NTM: variants seen among roughly 807,000 people sequenced by gnomAD.
NTM encodes neurotrimin, also known as IgLON family member 2.
NTM carries 13 observed loss-of-function variants against 42.1 expected under a neutral mutation model. The observed-to-expected ratio is 0.31, with a 90% confidence interval of 0.20 to 0.49. The LOEUF is 0.49. NTM is among the 20% of genes least tolerant of loss of function. The pLI is 0.99. For synonymous variants in NTM, 187 were observed against 179.2 expected (o/e 1.04, Z -0.35); for missense variants, 373 against 452.8 (o/e 0.82, Z 1.60).
intron 3 of NTM, among the ~76,000 whole-genome samples, chr11:132,193,861 C>A (rs566826478): frequency 6.6e-6 from 1 of 152,114 alleles, no homozygotes; most frequent in Admixed American, 6.6e-5. Flanking sequence ...AACTAAAAAA[C>A]CTAGAAGAAA....
chr11:131,885,123 C>T (rs2050178500), intron 1 of NTM, among the ~76,000 whole-genome samples: 1 of 152,186 alleles, frequency 6.6e-6, no homozygotes, highest in Non-Finnish European at 1.5e-5. Context: ...GTGAGTAGGT[C>T]TGCAGGTCTG....
chr11:131,684,793 G>C (rs367825660), intron 1 of NTM, among the ~76,000 whole-genome samples: 7 of 152,252 alleles, frequency 4.6e-5, no homozygotes, highest in African/African-American at 1.7e-4. Context: ...CAAGATACAG[G>C]CTGGGCCAAC....
chr11:131,959,884 A>G (rs1319914475), intron 2 of NTM, among the ~76,000 whole-genome samples: 1 of 152,206 alleles, frequency 6.6e-6, no homozygotes, highest in Non-Finnish European at 1.5e-5. Flanking sequence ...CAGGTGAGAA[A>G]CAAAAGGGAA....
At chr11:132,320,976 G>C (rs1003624216) in intron 7 of NTM, among the ~76,000 whole-genome samples, 1 of 150,650 alleles carries the variant, frequency 6.6e-6, no homozygotes, top group Non-Finnish European at 1.5e-5. Flanking sequence ...CTGTCTGTTA[G>C]AAGGAAAACT....
chr11:132,084,581 T>A (rs897827558), intron 2 of NTM, among the ~76,000 whole-genome samples: 19 of 152,158 alleles, frequency 1.2e-4, no homozygotes, highest in Non-Finnish European at 2.4e-4. Flanking sequence ...TTAAATATGG[T>A]AGAGGTTTAA....
At chr11:132,074,995 A>C (rs2058176687) in intron 2 of NTM, among the ~76,000 whole-genome samples, 2 of 152,340 alleles carry the variant, frequency 1.3e-5, no homozygotes, top group East Asian at 1.9e-4. Context: ...CAATTTTTTA[A>C]GAGTATATAA....
chr11:131,453,749 T>G (rs907476426), intron 1 of NTM, among the ~76,000 whole-genome samples: 3 of 152,214 alleles, frequency 2.0e-5, no homozygotes, highest in Non-Finnish European at 2.9e-5. Context: ...AGGAGCCATT[T>G]GCCATCTCTA....
chr11:132,321,477 A>T (rs2095567313), intron 7 of NTM, among the ~76,000 whole-genome samples: 1 of 152,220 alleles, frequency 6.6e-6, no homozygotes, highest in Admixed American at 6.5e-5. Context: ...AGTTTAGAGA[A>T]AAAAAGAATA....
intron 2 of NTM, among the ~76,000 whole-genome samples, chr11:131,955,353 TC>T (rs1004478001): frequency 5.3e-5 from 8 of 152,282 alleles, no homozygotes; most frequent in Non-Finnish European, 1.0e-4. Context: ...TGATCTTTTG[TC>T]CCTATTACCT....
intron 1 of NTM, among the ~76,000 whole-genome samples, chr11:131,492,525 G>T (rs1298304929): frequency 6.6e-6 from 1 of 152,094 alleles, no homozygotes; most frequent in African/African-American, 2.4e-5. Context: ...AGTCCTGGTG[G>T]TATGGCTCCA....
At chr11:132,139,950 A>G (rs1282160283) in intron 2 of NTM, among the ~76,000 whole-genome samples, 1 of 152,252 alleles carries the variant, frequency 6.6e-6, no homozygotes, top group East Asian at 1.9e-4. Context: ...TCAAGTCAGC[A>G]ATGTTACATC....
chr11:132,074,503 A>G (rs1008990434), intron 2 of NTM, among the ~76,000 whole-genome samples: 8 of 152,094 alleles, frequency 5.3e-5, no homozygotes, highest in African/African-American at 1.9e-4. Flanking sequence ...ATTTGAAGGT[A>G]CCATTGACAG....
Position 132,159,630 on chromosome 11 carries a change from G to A in NTM, c.400+13116G>A, listed in dbSNP as rs12575936. On this transcript the variant is annotated intron_variant, in intron 3 of 8. Transcript: ENST00000683400. Reference sequence around the variant, plus strand: ...AAGCAGAAAGGAGAACAGGTTCAGAGGATACCAAAACCGGAGTTATCACAG... The same window carrying A: ...AAGCAGAAAGGAGAACAGGTTCAGAAGATACCAAAACCGGAGTTATCACAG... 6.7e-4 allele frequency among the ~76,000 whole-genome samples: 102 copies of A among 152,264 alleles called. 1 individual carries two copies. The East Asian group carries it at 0.018, about 27-fold the overall frequency.
chr11:131,867,360 T>C (rs1261702467), intron 1 of NTM, among the ~76,000 whole-genome samples: 2 of 152,064 alleles, frequency 1.3e-5, no homozygotes, highest in Admixed American at 1.3e-4. Context: ...CCTGTATGTT[T>C]GTCTGTGTGT....
At chr11:131,879,760 C>G (rs976999763) in intron 1 of NTM, among the ~76,000 whole-genome samples, 4 of 152,112 alleles carry the variant, frequency 2.6e-5, no homozygotes, top group Admixed American at 2.0e-4. Context: ...ATCCTTGGCT[C>G]AAGCTGTGGC....
At position 131,518,133 on chromosome 11, in the gene NTM, G is replaced by A. The variant is rs147883834; in HGVS notation, c.82+147245G>A. ...TCACTCACCAAATATTGATTGAGGG[G>A]CTGGGGAAGCCAAGGTGATGAAGAC... is the stretch of plus-strand genomic sequence containing the variant. On this transcript the variant is annotated intron_variant, in intron 1 of 8. Coordinates refer to ENST00000683400, the MANE Select transcript of NTM (RefSeq NM_001352005.2). Among the ~76,000 whole-genome samples, 72 of 152,330 alleles carry A rather than the reference G, an allele frequency of 4.7e-4. No individual in the cohort carries two copies. The East Asian group carries it at 0.013, about 27-fold the overall frequency.
Position 131,370,822 on chromosome 11 carries a change from CCAAAAATGCACAATT to C in NTM, c.18_32del (p.Lys7_Ser11del). 1 of 1,613,634 alleles carries C rather than the reference CCAAAAATGCACAATT, an allele frequency of 6.2e-7. No homozygotes were observed. ...AAAAAAAATCATGAAAACCATCCAGCCAAAAATGCACAATTCTATCTCTTGGGCAATCTTCACGGG... is the reference window on the plus strand; with the variant it reads ...AAAAAAAATCATGAAAACCATCCAGCCTATCTCTTGGGCAATCTTCACGGG... On this transcript the variant is annotated inframe_deletion, in exon 1 of 9. Coordinates refer to ENST00000683400, the MANE Select transcript of NTM (RefSeq NM_001352005.2).
At chr11:132,141,578 G>A (rs1252555591) in intron 2 of NTM, among the ~76,000 whole-genome samples, 2 of 152,202 alleles carry the variant, frequency 1.3e-5, no homozygotes, top group Non-Finnish European at 1.5e-5. Context: ...GAGTGAGCAT[G>A]TGCACATGTG....
At chr11:132,076,508 T>C (rs2058382302) in intron 2 of NTM, among the ~76,000 whole-genome samples, 1 of 152,242 alleles carries the variant, frequency 6.6e-6, no homozygotes, top group Non-Finnish European at 1.5e-5. Context: ...TTTCTGGAGC[T>C]AACATTCTCT....
Sources: allele counts gnomAD v4.1 joint callset (sites outside exome capture counted in the v4.1 genomes callset), GRCh38; gene constraint gnomAD v4.1.1; transcripts MANE v1.5; gene names NCBI Gene and HGNC (gene_info 2026-07-23, HGNC 2026-07-21).